NRXN3: variants seen among roughly 807,000 people sequenced by gnomAD.
The protein encoded by NRXN3 is neurexin 3, also known as neurexin III.
NRXN3 carries 32 observed loss-of-function variants against 137.6 expected under a neutral mutation model. That is an observed-to-expected ratio of 0.23 (90% confidence interval 0.18 to 0.31). The LOEUF (loss-of-function observed/expected upper bound fraction) is 0.31, where lower values mean the gene tolerates loss of function less well. Among genes scored for constraint, NRXN3 ranks in the 10% least tolerant of loss-of-function variants. The pLI is 1.00. For missense variants in NRXN3, 1,574 were observed against 2,062.5 expected, an observed-to-expected ratio of 0.76 and a Z score of 4.59; for synonymous variants, 798 against 784.5, an observed-to-expected ratio of 1.02 and a Z score of -0.29.
chr14:79,700,752 A>C (rs1223689859), intron 19 of NRXN3, among the ~76,000 whole-genome samples: 1 of 151,990 alleles, frequency 6.6e-6, no homozygotes, highest in Non-Finnish European at 1.5e-5. Context: ...TCTTAGAAGT[A>C]ATTGGTGCTT....
chr14:78,387,944 C>T (rs1041682492), intron 4 of NRXN3, among the ~76,000 whole-genome samples: 1 of 152,138 alleles, frequency 6.6e-6, no homozygotes, highest in Non-Finnish European at 1.5e-5. Flanking sequence ...CAGGAGTTTT[C>T]TCTGCCTTTT....
intron 20 of NRXN3, chr14:79,854,241 G>C (rs1467432122): frequency 6.4e-6 from 4 of 627,350 alleles, no homozygotes; most frequent in Non-Finnish European, 7.9e-6. Flanking sequence ...AAATTAATAT[G>C]GTATGCTTTT....
chr14:79,369,257 G>A (rs1337659542), intron 15 of NRXN3, among the ~76,000 whole-genome samples: 1 of 152,156 alleles, frequency 6.6e-6, no homozygotes, highest in Non-Finnish European at 1.5e-5. Context: ...GAAAGAAAGT[G>A]GAGGCTTTAG....
At position 79,846,063 on chromosome 14, in the gene NRXN3, AAGATCAC is replaced by A. The variant is rs2099369894; in HGVS notation, c.4094-15271_4094-15265del. On this transcript the variant is annotated intron_variant, in intron 20 of 20. Transcript: ENST00000335750. ...CAAAATAGTTATAATAGTAACATCA[AAGATCAC>A]AGATCACCATAACAGATACAGTAAG... Among the ~76,000 whole-genome samples the A allele has an allele frequency of 2.6e-5, 4 of 152,126 alleles. No individual in the cohort carries two copies. The South Asian group carries it at 6.2e-4, about 24-fold the overall frequency.
At chr14:79,398,030 T>C (rs2095076196) in intron 15 of NRXN3, among the ~76,000 whole-genome samples, 1 of 152,204 alleles carries the variant, frequency 6.6e-6, no homozygotes, top group African/African-American at 2.4e-5. Context: ...CTTCCCTGTC[T>C]TCCTTTGCTC....
At chr14:79,669,661 A>T (rs999755034) in intron 17 of NRXN3, among the ~76,000 whole-genome samples, 5 of 152,078 alleles carry the variant, frequency 3.3e-5, no homozygotes, top group African/African-American at 9.7e-5. Flanking sequence ...GAAGTTTAAT[A>T]AATTGCCAGT....
intron 15 of NRXN3, among the ~76,000 whole-genome samples, chr14:79,275,870 G>C (rs745863643): frequency 5.3e-5 from 8 of 152,058 alleles, no homozygotes; most frequent in Non-Finnish European, 1.0e-4. Flanking sequence ...GATTCCGTGG[G>C]GGGTTTATTC....
chr14:78,511,177 A>C (rs2096099315), intron 4 of NRXN3, among the ~76,000 whole-genome samples: 1 of 152,170 alleles, frequency 6.6e-6, no homozygotes, highest in Admixed American at 6.5e-5. Context: ...CAACAACAAA[A>C]AACATCTAAC....
chr14:78,206,853 G>A (rs937591360), intron 1 of NRXN3, among the ~76,000 whole-genome samples: 2 of 151,954 alleles, frequency 1.3e-5, no homozygotes, highest in Non-Finnish European at 2.9e-5. Context: ...TTGCCACATC[G>A]GACATTCTTT....
At chr14:78,820,700 CAA>C (rs1352227771) in intron 10 of NRXN3, among the ~76,000 whole-genome samples, 3 of 152,112 alleles carry the variant, frequency 2.0e-5, no homozygotes, top group Admixed American at 2.0e-4. Context: ...AAAATGAAAA[CAA>C]GAGAGGCTAT....
chr14:78,431,894 A>G (rs1245383008), intron 4 of NRXN3, among the ~76,000 whole-genome samples: 3 of 152,174 alleles, frequency 2.0e-5, no homozygotes, highest in Non-Finnish European at 4.4e-5. Context: ...CCCACTTTGC[A>G]GATGAGGAAT....
At chr14:79,825,658 T>G (rs1436191888) in intron 20 of NRXN3, among the ~76,000 whole-genome samples, 4 of 152,210 alleles carry the variant, frequency 2.6e-5, no homozygotes, top group Non-Finnish European at 4.4e-5. Flanking sequence ...GTGTGTGACT[T>G]TGCTATTTTA....
At position 79,612,627 on chromosome 14, in the gene NRXN3, T is replaced by C. The variant is rs116430154; in HGVS notation, c.3445-51151T>C. On this transcript the variant is annotated intron_variant, in intron 16 of 20. Transcript: ENST00000335750. Reference sequence around the variant, plus strand: ...ATTTTAGGAGGCTGAAGCAAGAGAATTGCTTGGGGCCGGGAGTTTGAGACC... The same window carrying C: ...ATTTTAGGAGGCTGAAGCAAGAGAACTGCTTGGGGCCGGGAGTTTGAGACC... Among the ~76,000 whole-genome samples the C allele has an allele frequency of 9.0e-3, 1,366 of 152,320 alleles. 18 individuals carry two copies. The highest frequency in any genetic ancestry group is 0.031 in the African/African-American group (1,306 of 41,562).
At chr14:78,172,327 C>T (rs151289367) in intron 1 of NRXN3, among the ~76,000 whole-genome samples, 1 of 152,050 alleles carries the variant, frequency 6.6e-6, no homozygotes, top group Non-Finnish European at 1.5e-5. Context: ...CTGGGTAGAG[C>T]CTTCCTTCAT....
intron 15 of NRXN3, among the ~76,000 whole-genome samples, chr14:79,291,250 T>G (rs1223627116): frequency 6.6e-6 from 1 of 152,160 alleles, no homozygotes; most frequent in Non-Finnish European, 1.5e-5. Flanking sequence ...CTACTTTGGT[T>G]TTTATTATAG....
chr14:79,084,471 G>A (rs1007871323), intron 15 of NRXN3, among the ~76,000 whole-genome samples: 15 of 152,040 alleles, frequency 9.9e-5, no homozygotes, highest in African/African-American at 3.1e-4. Flanking sequence ...TATCATTAAA[G>A]CCTAATAAAT....
At chr14:79,136,770 G>C (rs1050926172) in intron 15 of NRXN3, among the ~76,000 whole-genome samples, 2 of 152,176 alleles carry the variant, frequency 1.3e-5, no homozygotes, top group Non-Finnish European at 2.9e-5. Context: ...GGCAAGAATA[G>C]AAAAGGAATT....
chr14:78,171,219 C>CT (rs144839930), intron 1 of NRXN3, among the ~76,000 whole-genome samples: 71,281 of 121,292 alleles, frequency 0.59, 21,007 homozygotes, highest in African/African-American at 0.69. Context: ...TGTGTGTGTG[C>CT]TTTTTTTTTT....
At chr14:78,583,177 A>C (rs2097021515) in intron 4 of NRXN3, among the ~76,000 whole-genome samples, 1 of 152,258 alleles carries the variant, frequency 6.6e-6, no homozygotes, top group East Asian at 1.9e-4. Flanking sequence ...TTCCAACAGA[A>C]GTCCAGAGCC....
Sources: allele counts gnomAD v4.1 joint callset (sites outside exome capture counted in the v4.1 genomes callset), GRCh38; gene constraint gnomAD v4.1.1; transcripts MANE v1.5; gene names NCBI Gene and HGNC (gene_info 2026-07-23, HGNC 2026-07-21).